TECRL: variants seen among roughly 807,000 people sequenced by gnomAD.
TECRL encodes trans-2,3-enoyl-CoA reductase-like.
In TECRL, 63 loss-of-function variants were observed where a neutral mutation model predicts 52.8. The observed-to-expected ratio is 1.19, with a 90% CI of 0.97 to 1.47. The LOEUF (loss-of-function observed/expected upper bound fraction) is 1.47, where lower values mean the gene tolerates loss of function less well. Among genes scored for constraint, TECRL ranks in the 40% most tolerant of loss-of-function variants. The pLI is 0.00. For missense variants in TECRL, 482 were observed against 429.6 expected (o/e 1.12, Z -1.08); for synonymous variants, 164 against 141.9 (o/e 1.16, Z -1.10).
intron 2 of TECRL, among the ~76,000 whole-genome samples, chr4:64,371,539 A>G (rs2109661060): frequency 6.6e-6 from 1 of 151,732 alleles, no homozygotes; most frequent in East Asian, 1.9e-4. Context: ...CATATTAAGC[A>G]GACCTTCGCT....
chr4:64,402,086 A>G (rs1046119099), intron 1 of TECRL, among the ~76,000 whole-genome samples: 5 of 152,132 alleles, frequency 3.3e-5, no homozygotes, highest in Admixed American at 6.5e-5. Context: ...CAAGGGAAAT[A>G]CAAACTTTAG....
intron 2 of TECRL, among the ~76,000 whole-genome samples, chr4:64,336,092 A>G (rs1210461144): frequency 6.6e-6 from 1 of 152,106 alleles, no homozygotes; most frequent in African/African-American, 2.4e-5. Flanking sequence ...GAATGGTACC[A>G]GCTCCTCTTT....
chr4:64,280,214 A>G lies in TECRL; in HGVS notation c.965-15T>C. 3 of 1,469,048 alleles carry G rather than the reference A, an allele frequency of 2.0e-6. No individual in the cohort carries two copies. Among genetic ancestry groups the G allele is most frequent in the Non-Finnish European group, 2.7e-6 (3 of 1,103,962 alleles). 91.0% of individuals were successfully genotyped at this position (1,469,048 alleles called of 1,614,324 possible). Reference sequence around the variant, plus strand: ...AAAAATTCCAACTAGAAGAAAAAAGAAATAATTATTATTTCTTTCTTATTT... The same window carrying G: ...AAAAATTCCAACTAGAAGAAAAAAGGAATAATTATTATTTCTTTCTTATTT... On this transcript the variant is annotated splice_polypyrimidine_tract_variant and intron_variant, in intron 11 of 11. Coordinates refer to ENST00000381210, the MANE Select transcript of TECRL (RefSeq NM_001010874.5).
Position 64,322,683 on chromosome 4 carries a change from A to G in TECRL, c.435+6T>C, listed in dbSNP as rs1364400835. ...AATGTATATTACATTTCAAATTAAC[A>G]CTTACTGTGGTCCAACTGACTTGTT... On this transcript the variant is annotated splice_donor_region_variant and intron_variant, in intron 4 of 11. Coordinates refer to ENST00000381210, the MANE Select transcript of TECRL (RefSeq NM_001010874.5). 7 of 1,575,228 alleles carry G rather than the reference A, an allele frequency of 4.4e-6. No homozygotes were observed. Among genetic ancestry groups the G allele is most frequent in the South Asian group, 3.5e-5 (3 of 85,368 alleles).
chr4:64,322,816 T>A, intron 3 of TECRL, 24 bp from the exon 4 acceptor site: 1 of 1,531,584 alleles, frequency 6.5e-7, no homozygotes, highest in Non-Finnish European at 8.9e-7. Flanking sequence ...AACAAGAAAA[T>A]TTTATTTTAA....
chr4:64,316,748 ATATTC>A, intron 4 of TECRL, among the ~76,000 whole-genome samples: 1 of 152,318 alleles, frequency 6.6e-6, no homozygotes, highest in Admixed American at 6.5e-5. Flanking sequence ...ACTGAAGACT[ATATTC>A]TAAAGAGGCA....
intron 2 of TECRL, among the ~76,000 whole-genome samples, chr4:64,332,107 C>T (rs1718680641): frequency 6.6e-6 from 1 of 152,144 alleles, no homozygotes; most frequent in Non-Finnish European, 1.5e-5. Context: ...AGTCTAGCAA[C>T]TACCCTTAGC....
At chr4:64,334,169 A>G (rs1435268433) in intron 2 of TECRL, among the ~76,000 whole-genome samples, 1 of 152,108 alleles carries the variant, frequency 6.6e-6, no homozygotes, top group Non-Finnish European at 1.5e-5. Context: ...GGGCAGGCAC[A>G]TGAATTCTTG....
intron 5 of TECRL, among the ~76,000 whole-genome samples, chr4:64,313,453 A>C (rs894961142): frequency 6.7e-6 from 1 of 149,622 alleles, no homozygotes; most frequent in Admixed American, 6.7e-5. Flanking sequence ...ATTATATAGA[A>C]TACTTTGTTT....
At chr4:64,293,777 TAGTC>T (rs1723525324) in intron 8 of TECRL, among the ~76,000 whole-genome samples, 1 of 152,036 alleles carries the variant, frequency 6.6e-6, no homozygotes, top group South Asian at 2.1e-4. Flanking sequence ...AGCCATCAAT[TAGTC>T]AGGCTCTGTC....
intron 2 of TECRL, among the ~76,000 whole-genome samples, chr4:64,356,525 G>A (rs763556765): frequency 6.6e-6 from 1 of 152,128 alleles, no homozygotes; most frequent in Non-Finnish European, 1.5e-5. Flanking sequence ...ATGTTTAGGC[G>A]GAGAGAAACA....
chr4:64,316,255 G>A (rs1258905240), intron 4 of TECRL, among the ~76,000 whole-genome samples: 1 of 152,014 alleles, frequency 6.6e-6, no homozygotes, highest in Non-Finnish European at 1.5e-5. Flanking sequence ...ACACAGATCT[G>A]AAGTTTCTTC....
At chr4:64,350,153 T>C (rs1720282533) in intron 2 of TECRL, among the ~76,000 whole-genome samples, 1 of 152,224 alleles carries the variant, frequency 6.6e-6, no homozygotes, top group Admixed American at 6.5e-5. Context: ...CCTTAATGTA[T>C]GGCTAAACTG....
chr4:64,405,513 G>C (rs77436966), intron 1 of TECRL, among the ~76,000 whole-genome samples: 6,241 of 152,166 alleles, frequency 0.041, 127 homozygotes, highest in Non-Finnish European at 0.048. Flanking sequence ...AAGATGTTTG[G>C]GAGAAGACCA....
intron 1 of TECRL, among the ~76,000 whole-genome samples, chr4:64,396,013 T>G (rs1723923578): frequency 6.6e-6 from 1 of 152,220 alleles, no homozygotes; most frequent in Admixed American, 6.5e-5. Context: ...GTCTGTTTTT[T>G]TATGGCTGTG....
intron 2 of TECRL, among the ~76,000 whole-genome samples, chr4:64,356,458 G>A (rs985347871): frequency 2.6e-5 from 4 of 152,200 alleles, no homozygotes; most frequent in African/African-American, 9.6e-5. Flanking sequence ...CCGCCCTGTG[G>A]TGGGAGGCAG....
chr4:64,368,627 G>A (rs1164244717), intron 2 of TECRL, among the ~76,000 whole-genome samples: 1 of 152,028 alleles, frequency 6.6e-6, no homozygotes, highest in Non-Finnish European at 1.5e-5. Flanking sequence ...CAAACTAGAG[G>A]GAGAATCTTA....
chr4:64,327,144 C>T (rs1351636762), intron 3 of TECRL, among the ~76,000 whole-genome samples: 1 of 151,970 alleles, frequency 6.6e-6, no homozygotes, highest in African/African-American at 2.4e-5. Flanking sequence ...CTGAATCAAT[C>T]CAAATGAGCT....
chr4:64,313,951 G>A (rs925563481), intron 5 of TECRL, among the ~76,000 whole-genome samples: 3 of 137,468 alleles, frequency 2.2e-5, no homozygotes. Flanking sequence ...GGCTAACACG[G>A]TGAAATCCCG....
Sources: gnomAD v4.1 joint callset for allele counts (sites outside exome capture counted in the v4.1 genomes callset) on GRCh38, gnomAD v4.1.1 for gene constraint, MANE v1.5 for transcripts, NCBI Gene and HGNC (gene_info 2026-07-23, HGNC 2026-07-21) for gene names.